Variants in CFAP65 observed in about 807,000 individuals in gnomAD.
CFAP65 encodes the protein cilia and flagella associated protein 65, also known as cilia- and flagella-associated protein 65.
Under a neutral mutation model 208.0 loss-of-function variants are expected in CFAP65, and 155 were observed. The ratio of observed to expected loss-of-function variants is 0.75; its 90% confidence interval spans 0.65 to 0.85. The LOEUF (loss-of-function observed/expected upper bound fraction) is 0.85. Ranked by LOEUF, CFAP65 falls within the 40% of genes least tolerant of loss-of-function variation. CFAP65 has a pLI of 0.00. For missense variants in CFAP65, 2,294 were observed against 2,451.3 expected, an observed-to-expected ratio of 0.94 and a Z score of 1.36; for synonymous variants, 970 against 986.3, an observed-to-expected ratio of 0.98 and a Z score of 0.31.
At chr2:219,021,341 C>G in intron 18 of CFAP65, 61 bp from the exon 19 acceptor site, 4 of 1,479,606 alleles carry the variant, frequency 2.7e-6, no homozygotes, top group Non-Finnish European at 3.6e-6. Flanking sequence ...TCCTCCTGCT[C>G]CTTTGTAGAT....
chr2:219,005,396 C>T lies in CFAP65; in HGVS notation c.5051+38G>A, dbSNP rs146720180. 57 of 1,612,158 alleles carry T rather than the reference C, an allele frequency of 3.5e-5. No individual in the cohort carries two copies. In the African/African-American group the frequency reaches 5.3e-4, roughly 15 times the overall value. On this transcript the variant is annotated intron_variant, in intron 32 of 34. Transcript: ENST00000341552. ...TCTGGCTGAATGAGCTGGAGGGATG[C>T]GAAGGTGGCAATGAGGGCCCAGGGT...
chr2:219,019,396 AAGAGATGGGAAAC>A (rs1947123208), intron 20 of CFAP65, 97 bp downstream of exon 20: 1 of 1,121,108 alleles, frequency 8.9e-7, no homozygotes, highest in Admixed American at 2.5e-5. Context: ...TCTTCCCTCA[AAGAGATGGGAAAC>A]AGCTTCCTTG....
intron 14 of CFAP65, among the ~76,000 whole-genome samples, chr2:219,024,474 GC>G (rs1422618668): frequency 0.019 from 1,598 of 83,150 alleles, 125 homozygotes; most frequent in African/African-American, 0.15. Flanking sequence ...CCAGAAAGGG[GC>G]GGGGGGGGGG....
chr2:219,029,673 A>G lies in CFAP65; in HGVS notation c.1385-5T>C. 3 of 1,611,854 alleles carry G rather than the reference A, an allele frequency of 1.9e-6. No individual in the cohort carries two copies. Among genetic ancestry groups the G allele is most frequent in the Non-Finnish European group, 2.5e-6 (3 of 1,178,388 alleles). ...GCTGCAGGGACACAGCAGGGCCTGG[A>G]CACAGGAGATGGGGTATCAGCTTCC... On this transcript the variant is annotated splice_region_variant and splice_polypyrimidine_tract_variant and intron_variant, in intron 10 of 34. Transcript: ENST00000341552.
At chr2:219,026,618 T>C in intron 13 of CFAP65, 1 of 180,682 alleles carries the variant, frequency 5.5e-6, no homozygotes, top group Non-Finnish European at 1.1e-5. Context: ...ATAACCAATA[T>C]AAAATTAGTA....
At chr2:219,038,629 G>GTCTCCTCCCTCA in intron 3 of CFAP65, 51 bp from the exon 4 acceptor site, 4 of 1,516,494 alleles carry the variant, frequency 2.6e-6, no homozygotes, top group Non-Finnish European at 3.6e-6. Flanking sequence ...GAGAAAGAGA[G>GTCTCCTCCCTCA]GCTGAGGGAG....
intron 4 of CFAP65, among the ~76,000 whole-genome samples, chr2:219,036,211 C>T (rs1239202066): frequency 6.6e-6 from 1 of 152,216 alleles, no homozygotes; most frequent in African/African-American, 2.4e-5. Flanking sequence ...CCATCCCCTG[C>T]CTTCTGGGGC....
intron 4 of CFAP65, among the ~76,000 whole-genome samples, chr2:219,036,558 C>T (rs1235967751): frequency 6.6e-6 from 1 of 152,036 alleles, no homozygotes; most frequent in Non-Finnish European, 1.5e-5. Context: ...GATTTTCTCG[C>T]CTTAGCTTCC....
Position 219,012,623 on chromosome 2 carries a change from C to T in CFAP65, c.3957+636G>A, listed in dbSNP as rs146946248. Among the ~76,000 whole-genome samples the T allele has an allele frequency of 3.8e-3, 576 of 152,342 alleles. 8 individuals carry two copies. Among genetic ancestry groups the T allele is most frequent in the African/African-American group, 0.013 (550 of 41,576 alleles). ...TATTATGTCCCCCTCTTGGAGATTA[C>T]CAATCTACATTTCCAGAGCAAGGAA... On this transcript the variant is annotated intron_variant, in intron 24 of 34. Transcript: ENST00000341552.
In CFAP65 at chr2:219,032,544, C is replaced by A. The variant is rs759257899; in HGVS notation, c.571G>T (p.Val191Phe). 1 of 1,605,950 alleles carries A rather than the reference C, an allele frequency of 6.2e-7. No individual in the cohort carries two copies. The highest frequency in any genetic ancestry group is 8.5e-7 in the Non-Finnish European group (1 of 1,176,306). ...CTCAGGAAGATGGGCTGAGGGATGA[C>A]CGTGAAGAAGAACTTGGTCTTGGGG... ...RPPKTKFFFT[V>F]IPQPIFLSPG... The change falls in exon 6 of 35, where the codon GTC (valine) becomes TTC (phenylalanine). Residue 191 changes from valine (V) to phenylalanine (F), a missense_variant. Physicochemically the swap from Val to Phe is conservative, Grantham distance 50. Around this residue, in one of 2 missense-constraint regions of CFAP65, gnomAD observed 867 missense variants for 1,012.6 expected, o/e 0.86. Transcript: ENST00000341552. This position sits in a 1 kb window ranked among gnomAD's most constrained non-coding sequence, Gnocchi z 5.5.
chr2:219,030,866 C>A (rs56068521), intron 8 of CFAP65, 32 bp from the exon 9 acceptor site: 3 of 1,598,878 alleles, frequency 1.9e-6, no homozygotes, highest in South Asian at 2.3e-5. Flanking sequence ...CTTGGGGGAA[C>A]CCACCAGGGC....
chr2:219,013,469 C>T (rs758042928), intron 23 of CFAP65, 50 bp downstream of exon 23: 2 of 1,566,736 alleles, frequency 1.3e-6, no homozygotes, highest in Non-Finnish European at 1.7e-6. Flanking sequence ...TCCAGCCAGC[C>T]CCCTCCTCCA....
rs756248974 is a variant in CFAP65, at chr2:219,019,033, G to A, written c.3602+18C>T. ...CACTTGTCTCCCAGGCCCCCCAGTG[G>A]CCCCCTTCAAGCCATACCAGTCCAG... On this transcript the variant is annotated intron_variant, in intron 21 of 34. Transcript: ENST00000341552. 5.0e-6 allele frequency: 8 copies of A among 1,612,702 alleles called. No individual in the cohort carries two copies. Among genetic ancestry groups the A allele is most frequent in the Non-Finnish European group, 5.9e-6 (7 of 1,179,532 alleles).
chr2:219,021,134 G>T lies in CFAP65; in HGVS notation c.3259+18C>A. 2.0e-6 allele frequency: 3 copies of T among 1,508,176 alleles called. No individual in the cohort carries two copies. Among genetic ancestry groups the T allele is most frequent in the Non-Finnish European group, 2.7e-6 (3 of 1,123,200 alleles). 93.4% of individuals were successfully genotyped at this position (1,508,176 alleles called of 1,614,324 possible). A position where few individuals can be genotyped will look rare whatever the true frequency, so the allele number is the denominator to read the frequency against. ...CATTTCCCCGGCCCCGACTCTCTATGCCAGGCAGTCTAGGTACCTCTGTGG... is the reference window on the plus strand; with the variant it reads ...CATTTCCCCGGCCCCGACTCTCTATTCCAGGCAGTCTAGGTACCTCTGTGG... On this transcript the variant is annotated intron_variant, in intron 19 of 34. Transcript: ENST00000341552.
rs141830228 is a variant in CFAP65, at chr2:219,031,197, C to T, written c.924G>A (p.Gln308=). The T allele has an allele frequency of 4.6e-5, 75 of 1,613,142 alleles. No individual in the cohort carries two copies. The highest frequency in any genetic ancestry group is 6.7e-5 in the Admixed American group (4 of 59,880). The stretch of plus-strand genomic sequence containing the variant: ...CCTCGTAGATGACGGCTGTAAGGGG[C>T]TGAAAGGTCACCTTGATCTGAGAGG... ...GQASQIKVTF[Q]PLTAVIYEVQ... Residue 308 remains glutamine (Q), a synonymous_variant, in exon 8 of 35, where the codon CAG becomes CAA. Transcript: ENST00000341552. This position sits in a 1 kb window ranked among gnomAD's most constrained non-coding sequence, Gnocchi z 5.2.
Position 219,009,964 on chromosome 2 carries a change from G to A in CFAP65, c.4430C>T (p.Pro1477Leu), listed in dbSNP as rs1946356134. The change falls in exon 27 of 35, where the codon CCA becomes CTA. Residue 1477 changes from proline (P) to leucine (L), a missense_variant. Transcript: ENST00000341552. ...KNEEIAFSWQ[P>L]SPLDFGEVSV... ...CACCTCCCCAAAATCTAGAGGACTT[G>A]GCTGCCAGGAGAAGGCAATTTCCTC... The A allele has an allele frequency of 1.2e-6, 2 of 1,611,842 alleles. No individual in the cohort carries two copies. Among genetic ancestry groups the A allele is most frequent in the African/African-American group, 1.3e-5 (1 of 74,842 alleles).
In CFAP65 at chr2:219,031,010, G is replaced by T; in HGVS notation, c.1015+96C>A. ...AGGGCAGGAGGCCGGTGGAGGCGGGGGCCAGGCCAGATGGGAGGTGGGGGA... is the reference window on the plus strand; with the variant it reads ...AGGGCAGGAGGCCGGTGGAGGCGGGTGCCAGGCCAGATGGGAGGTGGGGGA... On this transcript the variant is annotated intron_variant, in intron 8 of 34. Transcript: ENST00000341552. This position sits in a 1 kb window ranked among gnomAD's most constrained non-coding sequence, Gnocchi z 5.2. The T allele has an allele frequency of 6.9e-7, 1 of 1,450,146 alleles. No individual in the cohort carries two copies. 89.8% of individuals were successfully genotyped at this position (1,450,146 alleles called of 1,614,324 possible). A position where few individuals can be genotyped will look rare whatever the true frequency, so the allele number is the denominator to read the frequency against.
chr2:219,024,054 A>G lies in CFAP65; in HGVS notation c.2556T>C (p.Thr852=). Residue 852 remains threonine, a synonymous_variant, in exon 15 of 35, where the codon ACT becomes ACC. Transcript: ENST00000341552. Reference sequence around the variant, plus strand: ...GGGAAGCATTGCACTGCAGATAGAAAGTGTGCTGCTTCCAGGAGCTGCCCT... The same window carrying G: ...GGGAAGCATTGCACTGCAGATAGAAGGTGTGCTGCTTCCAGGAGCTGCCCT... The part of the protein sequence containing the change: ...YPEGSSWKQH[T]FYLQCNASPQ... 1.2e-6 allele frequency: 2 copies of G among 1,614,030 alleles called. No individual in the cohort carries two copies. The highest frequency in any genetic ancestry group is 1.7e-6 in the Non-Finnish European group (2 of 1,180,014).
intron 9 of CFAP65, 48 bp from the exon 10 acceptor site, chr2:219,030,256 A>T: frequency 1.9e-6 from 3 of 1,556,400 alleles, no homozygotes; most frequent in Non-Finnish European, 2.7e-6. Context: ...AGAGCAGAGC[A>T]CTGTATGATG....
Sources: allele counts gnomAD v4.1 joint callset (sites outside exome capture counted in the v4.1 genomes callset), GRCh38; gene constraint gnomAD v4.1.1; regional missense constraint gnomAD v4.1.1; non-coding constraint Gnocchi (gnomAD v3.1); transcripts MANE v1.5; gene names NCBI Gene and HGNC (gene_info 2026-07-23, HGNC 2026-07-21).